PTPRN2: variants seen among roughly 807,000 people sequenced by gnomAD.
The protein encoded by PTPRN2 is receptor-type tyrosine-protein phosphatase N2.
A neutral mutation model predicts 118.8 loss-of-function variants in PTPRN2; 74 were observed. That is an observed-to-expected ratio of 0.62 (90% CI 0.52 to 0.76). The LOEUF (loss-of-function observed/expected upper bound fraction) is 0.76. PTPRN2 is among the 30% of genes least tolerant of loss of function. The pLI is 0.00. For missense variants in PTPRN2, 1,481 were observed against 1,394.4 expected, an observed-to-expected ratio of 1.06 and a Z score of -0.99; for synonymous variants, 641 against 608.0, an observed-to-expected ratio of 1.05 and a Z score of -0.80.
chr7:158,366,127 G>A (rs111465727), intron 2 of PTPRN2, among the ~76,000 whole-genome samples: 3,554 of 106,450 alleles, frequency 0.033, 129 homozygotes, highest in Non-Finnish European at 0.05. Flanking sequence ...CAATGCACGC[G>A]TGCACATGCA....
intron 9 of PTPRN2, among the ~76,000 whole-genome samples, chr7:158,124,704 G>A (rs1024553188): frequency 2.6e-5 from 4 of 152,190 alleles, no homozygotes; most frequent in East Asian, 3.9e-4. Context: ...CCTTCTGCAG[G>A]AGCCCAGCTG....
At chr7:158,144,258 G>C (rs564129993) in intron 6 of PTPRN2, among the ~76,000 whole-genome samples, 1 of 152,180 alleles carries the variant, frequency 6.6e-6, no homozygotes, top group South Asian at 2.1e-4. Flanking sequence ...AGCCCCCCAA[G>C]GTTTATAAAA....
chr7:158,232,299 A>T (rs983216146), intron 3 of PTPRN2, among the ~76,000 whole-genome samples: 3 of 152,152 alleles, frequency 2.0e-5, no homozygotes, highest in Non-Finnish European at 4.4e-5. Context: ...AGGAATAAAA[A>T]GGATCATTAG....
chr7:157,692,636 G>T (rs1797563098), intron 12 of PTPRN2, among the ~76,000 whole-genome samples: 1 of 152,196 alleles, frequency 6.6e-6, no homozygotes, highest in Admixed American at 6.5e-5. Flanking sequence ...GCAAAGAAGT[G>T]GCCTCGCATC....
At chr7:157,682,647 G>A (rs763581385) in intron 13 of PTPRN2, 78 bp downstream of exon 13, 282 of 1,389,072 alleles carry the variant, frequency 2.0e-4, no homozygotes, top group Admixed American at 2.5e-4. Flanking sequence ...AATGGAGGAG[G>A]GGCCAGAGAG....
chr7:158,433,628 T>A (rs1816376325), intron 2 of PTPRN2, among the ~76,000 whole-genome samples: 1 of 152,244 alleles, frequency 6.6e-6, no homozygotes, highest in Non-Finnish European at 1.5e-5. Context: ...AAGTGTATAT[T>A]CACATCTTTT....
At chr7:158,198,192 T>G (rs1291186159) in intron 4 of PTPRN2, among the ~76,000 whole-genome samples, 1 of 152,216 alleles carries the variant, frequency 6.6e-6, no homozygotes, top group Non-Finnish European at 1.5e-5. Flanking sequence ...GTATTCATCT[T>G]TGCTTCGCCT....
At position 158,336,406 on chromosome 7, in the gene PTPRN2, T is replaced by C. The variant is rs1465609169; in HGVS notation, c.164-19474A>G. 1.3e-4 allele frequency among the ~76,000 whole-genome samples: 15 copies of C among 118,806 alleles called. 1 individual carries two copies. Among genetic ancestry groups the C allele is most frequent in the Admixed American group, 8.1e-4 (9 of 11,044 alleles). The allele number at this position is 118,806 out of a possible 152,430, so 77.9% of individuals were successfully genotyped here. Reference sequence around the variant, plus strand: ...GCAGACGTCACTCACACCCACACTCTCACAATAATTGGTGACACCTGCAGA... The same window carrying C: ...GCAGACGTCACTCACACCCACACTCCCACAATAATTGGTGACACCTGCAGA... On this transcript the variant is annotated intron_variant, in intron 2 of 22. Coordinates refer to ENST00000389418, the MANE Select transcript of PTPRN2 (RefSeq NM_002847.5).
intron 17 of PTPRN2, among the ~76,000 whole-genome samples, chr7:157,593,876 G>A (rs905135262): frequency 2.0e-5 from 3 of 152,344 alleles, no homozygotes; most frequent in South Asian, 4.1e-4. Context: ...CCACAGGTTC[G>A]CCGTGCCATG....
At chr7:158,196,669 C>T (rs910229825) in intron 4 of PTPRN2, among the ~76,000 whole-genome samples, 25 of 152,184 alleles carry the variant, frequency 1.6e-4, no homozygotes, top group Non-Finnish European at 3.1e-4. Flanking sequence ...TCCCCGGGCA[C>T]CCCTGGGGCC....
chr7:158,479,731 T>A (rs1228210560), intron 2 of PTPRN2, among the ~76,000 whole-genome samples: 3 of 152,208 alleles, frequency 2.0e-5, no homozygotes, highest in Non-Finnish European at 4.4e-5. Flanking sequence ...AGAGACCAGG[T>A]CCTGGCTGCT....
chr7:157,922,302 T>C (rs763830594), intron 11 of PTPRN2, among the ~76,000 whole-genome samples: 7 of 152,158 alleles, frequency 4.6e-5, no homozygotes, highest in Non-Finnish European at 8.8e-5. Flanking sequence ...GAGTGGTGAC[T>C]TGCAGAAGGA....
intron 11 of PTPRN2, among the ~76,000 whole-genome samples, chr7:158,071,586 GTGGAGGTGCTCC>G (rs1259244429): frequency 4.4e-4 from 50 of 112,720 alleles, no homozygotes; most frequent in African/African-American, 1.7e-3. Context: ...GGTGCTCCTG[GTGGAGGTGCTCC>G]TGGTGGAGGT....
chr7:157,781,305 T>A (rs547400550), intron 12 of PTPRN2, among the ~76,000 whole-genome samples: 4 of 152,332 alleles, frequency 2.6e-5, no homozygotes, highest in Admixed American at 2.0e-4. Context: ...CCTGGACATG[T>A]CCGGACCAAA....
chr7:157,769,123 C>T (rs1212410557), intron 12 of PTPRN2, among the ~76,000 whole-genome samples: 1 of 152,198 alleles, frequency 6.6e-6, no homozygotes, highest in Non-Finnish European at 1.5e-5. Context: ...ATCGTCATGA[C>T]AACGCCTCCA....
At chr7:158,497,333 G>A (rs1822027027) in intron 1 of PTPRN2, among the ~76,000 whole-genome samples, 1 of 148,864 alleles carries the variant, frequency 6.7e-6, no homozygotes, top group Non-Finnish European at 1.5e-5. Context: ...GTAGGGGTGG[G>A]TGTTGCTCAG....
rs189747624 is a variant in PTPRN2, at chr7:157,944,443, G to A, written c.1724-45706C>T. On this transcript the variant is annotated intron_variant, in intron 11 of 22. Coordinates refer to ENST00000389418, the MANE Select transcript of PTPRN2 (RefSeq NM_002847.5). This position sits in a 1 kb window ranked among gnomAD's most constrained non-coding sequence, Gnocchi z 4.3. ...TAAGTGGCACAAATATGTGTTTATC[G>A]AGAGAAACCTAAGTTTGTGAGAAAA... Among the ~76,000 whole-genome samples, 20 of 152,294 alleles carry A rather than the reference G, an allele frequency of 1.3e-4. No homozygotes were observed. The highest frequency in any genetic ancestry group is 3.4e-4 in the African/African-American group (14 of 41,550).
intron 1 of PTPRN2, among the ~76,000 whole-genome samples, chr7:158,534,673 C>A (rs562964611): frequency 6.6e-6 from 1 of 152,216 alleles, no homozygotes; most frequent in Non-Finnish European, 1.5e-5. Context: ...AAGCTCCCCC[C>A]ATCACCCAGG....
At position 157,994,960 on chromosome 7, in the gene PTPRN2, C is replaced by T. The variant is rs868006589; in HGVS notation, c.1723+86338G>A. Among the ~76,000 whole-genome samples, 53 of 28,370 alleles carry T rather than the reference C, an allele frequency of 1.9e-3. 12 individuals are homozygous for T. Among genetic ancestry groups the T allele is most frequent in the Admixed American group, 0.013 (28 of 2,106 alleles). 18.6% of individuals were successfully genotyped at this position (28,370 alleles called of 152,430 possible). A position where few individuals can be genotyped will look rare whatever the true frequency, so the allele number is the denominator to read the frequency against. On this transcript the variant is annotated intron_variant, in intron 11 of 22. Transcript: ENST00000389418. Reference sequence around the variant, plus strand: ...TTACAACTCCTTGTTCCTAAATCAACGCCGTGTCCCCAGCTTACAACTCCT... The same window carrying T: ...TTACAACTCCTTGTTCCTAAATCAATGCCGTGTCCCCAGCTTACAACTCCT...
Sources: allele counts gnomAD v4.1 joint callset (sites outside exome capture counted in the v4.1 genomes callset), GRCh38; gene constraint gnomAD v4.1.1; non-coding constraint Gnocchi (gnomAD v3.1); transcripts MANE v1.5; gene names NCBI Gene and HGNC (gene_info 2026-07-23, HGNC 2026-07-21).